KLHDC8A: variants seen among roughly 807,000 people sequenced by gnomAD.
The protein encoded by KLHDC8A is kelch domain-containing protein 8A.
In KLHDC8A, 21 loss-of-function variants were observed where a neutral mutation model predicts 33.1. The ratio of observed to expected loss-of-function variants is 0.64; its 90% CI spans 0.45 to 0.91. The LOEUF (loss-of-function observed/expected upper bound fraction) is 0.91, where lower values mean the gene tolerates loss of function less well. KLHDC8A is among the 40% of genes least tolerant of loss of function. The pLI is 0.00. For synonymous variants in KLHDC8A, 173 were observed against 193.5 expected (o/e 0.89, Z 0.88); for missense variants, 435 against 483.3 (o/e 0.90, Z 0.94).
chr1:205,339,551 C>A lies in KLHDC8A; in HGVS notation c.541+93G>T. On this transcript the variant is annotated intron_variant, in intron 3 of 5. Transcript: ENST00000367155. The surrounding 1 kb of genome is among the most constrained non-coding windows in gnomAD (Gnocchi z 5.1). ...TGGGCAGTGTGATTATCCCCAGTGC[C>A]GAGGAGATGCTCAGCACACAGGCAC... 2.0e-6 allele frequency: 3 copies of A among 1,471,666 alleles called. No homozygotes were observed. The highest frequency in any genetic ancestry group is 2.8e-6 in the Non-Finnish European group (3 of 1,065,854). The allele number at this position is 1,471,666 out of a possible 1,614,324, so 91.2% of individuals were successfully genotyped here.
intron 5 of KLHDC8A, 107 bp from the exon 6 acceptor site, chr1:205,337,699 C>G: frequency 4.1e-6 from 3 of 738,118 alleles, no homozygotes; most frequent in African/African-American, 1.8e-5. Flanking sequence ...AGAAGCCAAG[C>G]AAGGTCAACT....
At chr1:205,343,087 CATT>C (rs1005466655) in intron 2 of KLHDC8A, 139 bp downstream of exon 2, 5 of 1,201,486 alleles carry the variant, frequency 4.2e-6, no homozygotes, top group Non-Finnish European at 5.7e-6. Context: ...GAGGTGCAGG[CATT>C]TTGCTGAACG....
chr1:205,343,741 A>G lies in KLHDC8A; in HGVS notation c.-137T>C, dbSNP rs1016744314. ...CGCCGGACCCAGCCAGACCCCGGCC[A>G]GTGCTTCACCGTGCCCCGAGTCTCA... On this transcript the variant is annotated 5_prime_UTR_variant, in exon 2 of 6. Transcript: ENST00000367155. 1.1e-5 allele frequency: 10 copies of G among 944,068 alleles called. No individual in the cohort carries two copies. Among genetic ancestry groups the G allele is most frequent in the East Asian group, 2.7e-5 (1 of 36,648 alleles). 58.5% of individuals were successfully genotyped at this position (944,068 alleles called of 1,614,324 possible). A position where few individuals can be genotyped will look rare whatever the true frequency, so the allele number is the denominator to read the frequency against.
chr1:205,352,376 T>TAC (rs112930388), intron 1 of KLHDC8A, among the ~76,000 whole-genome samples: 3,629 of 150,568 alleles, frequency 0.024, 151 homozygotes, highest in African/African-American at 0.084. Context: ...CACTTTACAT[T>TAC]ACACACACAC....
chr1:205,356,570 C>G lies in KLHDC8A; in HGVS notation c.-227G>C. The G allele has an allele frequency of 2.2e-6, 1 of 456,328 alleles. No homozygotes were observed. Among genetic ancestry groups the G allele is most frequent in the Non-Finnish European group, 4.4e-6 (1 of 226,984 alleles). The allele number at this position is 456,328 out of a possible 1,614,324, so 28.3% of individuals were successfully genotyped here. A position where few individuals can be genotyped will look rare whatever the true frequency, so the allele number is the denominator to read the frequency against. On this transcript the variant is annotated 5_prime_UTR_variant, in exon 1 of 6. Coordinates refer to ENST00000367155, the MANE Select transcript of KLHDC8A (RefSeq NM_018203.3). Reference sequence around the variant, plus strand: ...AAAAGGATCGACACCCGGCGATCATCTGCAAAAGACAAAGAAGGGGAGGGG... The same window carrying G: ...AAAAGGATCGACACCCGGCGATCATGTGCAAAAGACAAAGAAGGGGAGGGG...
chr1:205,337,405 G>C lies in KLHDC8A; in HGVS notation c.1047C>G (p.Asp349Glu), dbSNP rs750339771. Residue 349 changes from aspartate to glutamate, a missense_variant, in exon 6 of 6, where the codon GAC (aspartate) becomes GAG (glutamate). By Grantham distance (45) the Asp-to-Glu change is conservative. Transcript: ENST00000367155. ...SDAVEALCVS[D>E]S is the part of the protein sequence containing the mutation. ...GTACTGAGCCCAGAGACAGCTAGGA[G>C]TCAGAGACACACAGGGCCTCCACTG... The C allele has an allele frequency of 2.4e-5, 39 of 1,612,310 alleles. No individual in the cohort carries two copies. The highest frequency in any genetic ancestry group is 3.3e-5 in the Non-Finnish European group (39 of 1,179,204).
intron 1 of KLHDC8A, among the ~76,000 whole-genome samples, chr1:205,353,268 G>A (rs902327297): frequency 1.3e-5 from 2 of 152,032 alleles, no homozygotes; most frequent in Admixed American, 6.6e-5. Context: ...AAAATATTTT[G>A]GGATACATGA....
intron 1 of KLHDC8A, among the ~76,000 whole-genome samples, chr1:205,345,634 G>A (rs528638878): frequency 4.6e-5 from 7 of 152,100 alleles, no homozygotes; most frequent in African/African-American, 1.7e-4. Context: ...CCAAATACTC[G>A]GGAGGCTGAG....
At chr1:205,352,961 C>G (rs762067621) in intron 1 of KLHDC8A, among the ~76,000 whole-genome samples, 75 of 152,218 alleles carry the variant, frequency 4.9e-4, no homozygotes, top group Non-Finnish European at 7.8e-4. Context: ...ACAGCTGCCC[C>G]CCACGAGGAA....
Position 205,356,657 on chromosome 1 carries a change from AGTCGGCAAG to A in KLHDC8A, c.-323_-315del, listed in dbSNP as rs1468630405. 6.6e-6 allele frequency: 3 copies of A among 452,094 alleles called. No individual in the cohort carries two copies. The highest frequency in any genetic ancestry group is 2.0e-5 in the African/African-American group (1 of 49,982). The allele number at this position is 452,094 out of a possible 1,614,324, so 28.0% of individuals were successfully genotyped here. A position where few individuals can be genotyped will look rare whatever the true frequency, so the allele number is the denominator to read the frequency against. Reference sequence around the variant, plus strand: ...TGTCCTAGGAGCTGGCTGGGAATAGAGTCGGCAAGGTCCCCAGGGTCCCCAGGGCTTCCT... The same window carrying A: ...TGTCCTAGGAGCTGGCTGGGAATAGAGTCCCCAGGGTCCCCAGGGCTTCCT... On this transcript the variant is annotated 5_prime_UTR_variant, in exon 1 of 6. Coordinates refer to ENST00000367155, the MANE Select transcript of KLHDC8A (RefSeq NM_018203.3).
chr1:205,351,115 T>A (rs927039804), intron 1 of KLHDC8A: 32 of 635,314 alleles, frequency 5.0e-5, no homozygotes, highest in Non-Finnish European at 8.0e-5. Context: ...AAGGGTCCAC[T>A]CCCCGAAGAT....
intron 1 of KLHDC8A, among the ~76,000 whole-genome samples, chr1:205,350,073 C>T (rs1383953907): frequency 5.3e-5 from 8 of 152,208 alleles, no homozygotes; most frequent in African/African-American, 1.7e-4. Context: ...CTAGAACGAA[C>T]ACCCTCACAT....
intron 5 of KLHDC8A, 122 bp downstream of exon 5, chr1:205,338,373 G>A: frequency 2.8e-6 from 2 of 721,174 alleles, no homozygotes. Context: ...GAATTTTTTG[G>A]AGTATAGTGG....
chr1:205,337,590 T>A lies in KLHDC8A; in HGVS notation c.862A>T (p.Asn288Tyr). 7 of 1,607,148 alleles carry A rather than the reference T, an allele frequency of 4.4e-6. No individual in the cohort carries two copies. The highest frequency in any genetic ancestry group is 6.0e-6 in the Non-Finnish European group (7 of 1,175,900). Reference sequence around the variant, plus strand: ...GCCGTCTCCAGGACAGTGGGTTGATTCCCTGAAAGTGTCAAGGGAATCAGA... The same window carrying A: ...GCCGTCTCCAGGACAGTGGGTTGATACCCTGAAAGTGTCAAGGGAATCAGA... ...GRVIVAGGLGNQPTVLETAEA... is the reference protein window; with the variant it reads ...GRVIVAGGLGYQPTVLETAEA... Residue 288 changes from asparagine to tyrosine, a missense_variant and splice_region_variant, in exon 6 of 6, where the codon AAT becomes TAT. Physicochemically the swap from Asn to Tyr is moderately radical, Grantham distance 143. Transcript: ENST00000367155.
chr1:205,352,174 G>C (rs1041031875), intron 1 of KLHDC8A, among the ~76,000 whole-genome samples: 3 of 152,148 alleles, frequency 2.0e-5, no homozygotes, highest in Admixed American at 6.5e-5. Flanking sequence ...CTCCCAGCAG[G>C]CCTTGAGGCA....
In KLHDC8A at chr1:205,356,560, C is replaced by G; in HGVS notation, c.-217G>C. The G allele has an allele frequency of 2.2e-6, 1 of 456,274 alleles. No homozygotes were observed. Among genetic ancestry groups the G allele is most frequent in the Non-Finnish European group, 4.4e-6 (1 of 226,964 alleles). The allele number at this position is 456,274 out of a possible 1,614,324, so 28.3% of individuals were successfully genotyped here. Reference sequence around the variant, plus strand: ...GACTGGAGGGAAAAGGATCGACACCCGGCGATCATCTGCAAAAGACAAAGA... The same window carrying G: ...GACTGGAGGGAAAAGGATCGACACCGGGCGATCATCTGCAAAAGACAAAGA... On this transcript the variant is annotated 5_prime_UTR_variant, in exon 1 of 6. Coordinates refer to ENST00000367155, the MANE Select transcript of KLHDC8A (RefSeq NM_018203.3).
chr1:205,352,769 A>G (rs1291611402), intron 1 of KLHDC8A, among the ~76,000 whole-genome samples: 2 of 152,224 alleles, frequency 1.3e-5, no homozygotes, highest in African/African-American at 2.4e-5. Context: ...AAGGAGCCCC[A>G]GGAAGCCTGC....
At position 205,343,563 on chromosome 1, in the gene KLHDC8A, C is replaced by A. The variant is rs772472000; in HGVS notation, c.42G>T (p.Leu14=). 3.7e-6 allele frequency: 6 copies of A among 1,610,710 alleles called. No homozygotes were observed. The highest frequency in any genetic ancestry group is 4.2e-6 in the Non-Finnish European group (5 of 1,178,312). The change falls in exon 2 of 6, where the codon CTG becomes CTT. Residue 14 remains leucine, a synonymous_variant. Coordinates refer to ENST00000367155, the MANE Select transcript of KLHDC8A (RefSeq NM_018203.3). ...PNVKDFQWKR[L]APLPSRRVYC... is the part of the protein sequence containing the mutation. ...AGACCCGGCGGCTGGGCAGTGGCGC[C>A]AGGCGCTTCCACTGGAAGTCCTTGA...
intron 1 of KLHDC8A, 65 bp downstream of exon 1, chr1:205,356,468 C>T: frequency 2.2e-6 from 1 of 451,246 alleles, no homozygotes; most frequent in South Asian, 1.6e-5. Context: ...TGCCTGTCTC[C>T]CCACCAGCAG....
Sources: allele counts gnomAD v4.1 joint callset (sites outside exome capture counted in the v4.1 genomes callset), GRCh38; gene constraint gnomAD v4.1.1; non-coding constraint Gnocchi (gnomAD v3.1); transcripts MANE v1.5; gene names NCBI Gene and HGNC (gene_info 2026-07-23, HGNC 2026-07-21).